Variants in CPA6 observed in about 807,000 individuals in gnomAD.
CPA6 encodes the protein carboxypeptidase B.
In CPA6, 58 loss-of-function variants were observed where a neutral mutation model predicts 63.3. The observed-to-expected ratio is 0.92, with a 90% CI of 0.74 to 1.14. The LOEUF (loss-of-function observed/expected upper bound fraction) is 1.14, where lower values mean the gene tolerates loss of function less well. CPA6 is among the 50% of genes most tolerant of loss of function. The probability of loss-of-function intolerance (pLI) is 0.00; values close to 1 mark genes in which losing one functional copy is unlikely to be tolerated. For synonymous variants in CPA6, 185 were observed against 179.0 expected, an observed-to-expected ratio of 1.03 and a Z score of -0.27; for missense variants, 565 against 526.6, an observed-to-expected ratio of 1.07 and a Z score of -0.71.
At chr8:67,474,635 C>A (rs866334588) in intron 8 of CPA6, among the ~76,000 whole-genome samples, 1 of 152,140 alleles carries the variant, frequency 6.6e-6, no homozygotes, top group Non-Finnish European at 1.5e-5. Flanking sequence ...CTTAGAGAAA[C>A]TGAAAGGAGA....
intron 1 of CPA6, among the ~76,000 whole-genome samples, chr8:67,731,923 T>A (rs1342093383): frequency 6.6e-6 from 1 of 152,212 alleles, no homozygotes; most frequent in African/African-American, 2.4e-5. Context: ...TGACTTCCTG[T>A]CTATTCCTTA....
chr8:67,594,392 G>T, intron 2 of CPA6, among the ~76,000 whole-genome samples: 3 of 152,050 alleles, frequency 2.0e-5, no homozygotes. Context: ...GAGTATCTTT[G>T]CGGCGTTCTC....
chr8:67,430,141 G>A (rs1339652848), intron 9 of CPA6, among the ~76,000 whole-genome samples: 4 of 143,814 alleles, frequency 2.8e-5, no homozygotes, highest in African/African-American at 1.1e-4. Context: ...ATGTGTGTGT[G>A]TGTGTGTGTG....
chr8:67,456,959 C>T (rs1437106830), intron 8 of CPA6, among the ~76,000 whole-genome samples: 3 of 152,198 alleles, frequency 2.0e-5, no homozygotes, highest in Non-Finnish European at 4.4e-5. Context: ...AGGAATATAG[C>T]GGCCTCTAGG....
At position 67,489,009 on chromosome 8, in the gene CPA6, C is replaced by A. The variant is rs146282791; in HGVS notation, c.637-4220G>T. 2.9e-3 allele frequency among the ~76,000 whole-genome samples: 435 copies of A among 152,202 alleles called. 1 individual carries two copies. Among genetic ancestry groups the A allele is most frequent in the African/African-American group, 9.8e-3 (406 of 41,532 alleles). The stretch of plus-strand genomic sequence containing the variant: ...ATGTCATCTGCAAATAGGGACAATT[C>A]GACTTCCTCATTTCCTAATTGAATA... On this transcript the variant is annotated intron_variant, in intron 6 of 10. Transcript: ENST00000297770.
chr8:67,746,172 C>G lies in CPA6; in HGVS notation c.-43G>C. The stretch of plus-strand genomic sequence containing the variant: ...AGTTGAAAGTTACTTAAGCAGCCAC[C>G]CGAGGCTGGAGGTGGCTCACAGCAC... On this transcript the variant is annotated 5_prime_UTR_variant, in exon 1 of 11. Transcript: ENST00000297770. 2 of 1,504,350 alleles carry G rather than the reference C, an allele frequency of 1.3e-6. No individual in the cohort carries two copies. Among genetic ancestry groups the G allele is most frequent in the Non-Finnish European group, 1.8e-6 (2 of 1,092,498 alleles). The allele number at this position is 1,504,350 out of a possible 1,614,324, so 93.2% of individuals were successfully genotyped here.
intron 10 of CPA6, among the ~76,000 whole-genome samples, chr8:67,424,455 G>A (rs1809840979): frequency 6.6e-6 from 1 of 152,134 alleles, no homozygotes; most frequent in South Asian, 2.1e-4. Flanking sequence ...CTCAGAGGAA[G>A]AAATGCTCCC....
chr8:67,724,258 C>T (rs1817556063), intron 1 of CPA6, among the ~76,000 whole-genome samples: 1 of 152,162 alleles, frequency 6.6e-6, no homozygotes, highest in Non-Finnish European at 1.5e-5. Flanking sequence ...CCTCTTTTCT[C>T]TAGCTGTAGG....
At chr8:67,608,252 C>T (rs138451708) in intron 2 of CPA6, among the ~76,000 whole-genome samples, 115 of 152,238 alleles carry the variant, frequency 7.6e-4, no homozygotes, top group African/African-American at 2.5e-3. Context: ...GTTTTCATGC[C>T]GAAATATTGC....
At chr8:67,743,647 T>G (rs1274989297) in intron 1 of CPA6, among the ~76,000 whole-genome samples, 1 of 151,902 alleles carries the variant, frequency 6.6e-6, no homozygotes, top group Non-Finnish European at 1.5e-5. Flanking sequence ...TTTTTTTTTC[T>G]GAGACACTTA....
chr8:67,450,314 C>T (rs542883006), intron 8 of CPA6, among the ~76,000 whole-genome samples: 17 of 152,244 alleles, frequency 1.1e-4, no homozygotes, highest in Middle Eastern at 3.4e-3. Context: ...TCTCTATTGA[C>T]GTTTCCTTAG....
At chr8:67,454,620 C>G (rs2090527480) in intron 8 of CPA6, among the ~76,000 whole-genome samples, 1 of 152,094 alleles carries the variant, frequency 6.6e-6, no homozygotes, top group Non-Finnish European at 1.5e-5. Flanking sequence ...TTATGGGAAC[C>G]AATATATTGT....
intron 1 of CPA6, among the ~76,000 whole-genome samples, chr8:67,630,708 T>G (rs1815305452): frequency 6.6e-6 from 1 of 152,128 alleles, no homozygotes; most frequent in Admixed American, 6.5e-5. Context: ...TCCCTCTGCT[T>G]GAGGGGATGT....
chr8:67,464,436 T>C (rs1316752435), intron 8 of CPA6, among the ~76,000 whole-genome samples: 1 of 152,240 alleles, frequency 6.6e-6, no homozygotes, highest in Non-Finnish European at 1.5e-5. Context: ...GTCAGATACA[T>C]AGTTTATGAA....
At chr8:67,625,322 A>G (rs1334635245) in intron 1 of CPA6, among the ~76,000 whole-genome samples, 3 of 152,344 alleles carry the variant, frequency 2.0e-5, no homozygotes, top group Middle Eastern at 3.4e-3. Context: ...CACAACCACA[A>G]AGGTTTTACC....
At chr8:67,744,847 T>C (rs1253212630) in intron 1 of CPA6, among the ~76,000 whole-genome samples, 1 of 152,154 alleles carries the variant, frequency 6.6e-6, no homozygotes, top group Non-Finnish European at 1.5e-5. Context: ...CGTGATCATA[T>C]TGCCATCTAT....
chr8:67,437,373 C>T (rs1317362101), intron 8 of CPA6, among the ~76,000 whole-genome samples: 3 of 151,832 alleles, frequency 2.0e-5, no homozygotes, highest in East Asian at 3.9e-4. Context: ...CCAGCCTGGG[C>T]GACAGAGCGA....
intron 2 of CPA6, among the ~76,000 whole-genome samples, chr8:67,589,179 G>T (rs755906282): frequency 1.3e-5 from 2 of 151,856 alleles, no homozygotes; most frequent in Admixed American, 1.3e-4. Context: ...AAACCTTCAG[G>T]TGGTAGCTAA....
At chr8:67,569,759 A>G (rs1813437377) in intron 2 of CPA6, 1 of 188,762 alleles carries the variant, frequency 5.3e-6, no homozygotes, top group Admixed American at 6.1e-5. Context: ...GTAAGATCCC[A>G]GCTTCAAATA....
Sources: allele counts gnomAD v4.1 joint callset (sites outside exome capture counted in the v4.1 genomes callset), GRCh38; gene constraint gnomAD v4.1.1; transcripts MANE v1.5; gene names NCBI Gene and HGNC (gene_info 2026-07-23, HGNC 2026-07-21).